The following RLF variants were observed in gnomAD, a reference collection of about 807,000 sequenced individuals.
The protein encoded by RLF is RLF zinc finger.
Under a neutral mutation model 162.9 loss-of-function variants are expected in RLF, and 7 were observed. That is an observed-to-expected ratio of 0.04 (90% CI 0.02 to 0.08). The LOEUF is 0.08. Among genes scored for constraint, RLF ranks in the 10% least tolerant of loss-of-function variants. The probability of loss-of-function intolerance (pLI) is 1.00; values close to 1 mark genes in which losing one functional copy is unlikely to be tolerated. For missense variants in RLF, 1,664 were observed against 2,244.7 expected, an observed-to-expected ratio of 0.74 and a Z score of 5.23; for synonymous variants, 782 against 791.5, an observed-to-expected ratio of 0.99 and a Z score of 0.20.
chr1:40,240,659 GTTTA>G lies in RLF; in HGVS notation c.*215_*218del. ...TGATTGGGTTTATTTTTGTTTGTTTGTTTATTAAAAAAATGGAACTGTACACTTG... is the reference window on the plus strand; with the variant it reads ...TGATTGGGTTTATTTTTGTTTGTTTGTTAAAAAAATGGAACTGTACACTTG... On this transcript the variant is annotated 3_prime_UTR_variant, in exon 8 of 8. Coordinates refer to ENST00000372771, the MANE Select transcript of RLF (RefSeq NM_012421.4). The G allele has an allele frequency of 2.0e-6, 1 of 500,308 alleles. No individual in the cohort carries two copies. The highest frequency in any genetic ancestry group is 3.6e-6 in the Non-Finnish European group (1 of 281,042). 31.0% of individuals were successfully genotyped at this position (500,308 alleles called of 1,614,324 possible). A position where few individuals can be genotyped will look rare whatever the true frequency, so the allele number is the denominator to read the frequency against.
intron 3 of RLF, among the ~76,000 whole-genome samples, chr1:40,192,439 T>G (rs759484327): frequency 3.9e-5 from 6 of 152,222 alleles, no homozygotes; most frequent in Non-Finnish European, 8.8e-5. Flanking sequence ...GCATTTCTTT[T>G]GAGTATCGTG....
chr1:40,190,929 G>C, intron 3 of RLF, 76 bp downstream of exon 3: 1 of 800,546 alleles, frequency 1.2e-6, no homozygotes, highest in Non-Finnish European at 2.0e-6. Flanking sequence ...ACTAAAATTG[G>C]AACCTTAGAA....
intron 1 of RLF, among the ~76,000 whole-genome samples, chr1:40,162,399 A>G (rs12059558): frequency 0.17 from 25,400 of 152,038 alleles, 2,222 homozygotes; most frequent in African/African-American, 0.21. Context: ...TTTAGTCTCC[A>G]TGACCACTCC....
rs886534976 is a variant in RLF, at chr1:40,169,622, CAAAAAA to C, written c.237+8004_237+8009del. On this transcript the variant is annotated intron_variant, in intron 1 of 7. Transcript: ENST00000372771. ...TGGGCGACAGAGCGAGACTCCGTCTCAAAAAAAAAAAAAAAAAAAAAAATAAGTGCT... is the reference window on the plus strand; with the variant it reads ...TGGGCGACAGAGCGAGACTCCGTCTCAAAAAAAAAAAAAAAAATAAGTGCT... 8.5e-4 allele frequency among the ~76,000 whole-genome samples: 40 copies of C among 46,982 alleles called. No homozygotes were observed. In the South Asian group the frequency reaches 0.028, roughly 33 times the overall value. The allele number at this position is 46,982 out of a possible 152,430, so 30.8% of individuals were successfully genotyped here. A position where few individuals can be genotyped will look rare whatever the true frequency, so the allele number is the denominator to read the frequency against.
At chr1:40,202,691 T>C in intron 5 of RLF, 77 bp downstream of exon 5, 1 of 904,358 alleles carries the variant, frequency 1.1e-6, no homozygotes, top group East Asian at 3.2e-5. Context: ...GTTTATTTTT[T>C]CCCTTTAGAA....
chr1:40,173,146 G>A (rs1207252901), intron 1 of RLF, among the ~76,000 whole-genome samples: 3 of 146,306 alleles, frequency 2.1e-5, no homozygotes, highest in African/African-American at 7.8e-5. Context: ...GTGCGATCTC[G>A]GCTCCCCGCA....
chr1:40,239,269 G>C lies in RLF; in HGVS notation c.4567G>C (p.Glu1523Gln), dbSNP rs1255340383. 5.0e-6 allele frequency: 8 copies of C among 1,613,970 alleles called. No homozygotes were observed. The highest frequency in any genetic ancestry group is 1.1e-5 in the South Asian group (1 of 91,092). ...GTCTAAAAAATGTGGCTTAATCAAA[G>C]AAAAGAAAGCCCCAATAAGTTTTAA... ...AKSKKCGLIK[E>Q]KKAPISFKTR... The change falls in exon 8 of 8, where the codon GAA (glutamate) becomes CAA (glutamine). Residue 1523 changes from glutamate to glutamine, a missense_variant. Transcript: ENST00000372771.
chr1:40,191,405 G>A (rs1351896892), intron 3 of RLF, among the ~76,000 whole-genome samples: 1 of 152,086 alleles, frequency 6.6e-6, no homozygotes, highest in Non-Finnish European at 1.5e-5. Context: ...GGGCATGGTG[G>A]CGGACACCTG....
chr1:40,203,947 C>T (rs143863238), intron 5 of RLF, among the ~76,000 whole-genome samples: 2 of 152,110 alleles, frequency 1.3e-5, no homozygotes, highest in African/African-American at 2.4e-5. Flanking sequence ...TTCCCTTATC[C>T]CCCTTATGTA....
intron 5 of RLF, among the ~76,000 whole-genome samples, chr1:40,217,704 G>A (rs762574334): frequency 3.9e-5 from 6 of 151,908 alleles, no homozygotes; most frequent in African/African-American, 1.2e-4. Flanking sequence ...CCCGGGAGGC[G>A]GAGGTTGCAG....
At chr1:40,200,777 T>G (rs1642701002) in intron 4 of RLF, among the ~76,000 whole-genome samples, 1 of 150,954 alleles carries the variant, frequency 6.6e-6, no homozygotes, top group South Asian at 2.1e-4. Context: ...TTTTTCTTTA[T>G]ATTATTTTAA....
chr1:40,175,635 T>C (rs61780420), intron 1 of RLF, among the ~76,000 whole-genome samples: 7,912 of 150,210 alleles, frequency 0.053, 603 homozygotes, highest in African/African-American at 0.17. Context: ...GGCGACAGAG[T>C]GAGACTCCGA....
At chr1:40,168,851 G>A (rs1369871740) in intron 1 of RLF, among the ~76,000 whole-genome samples, 1 of 151,862 alleles carries the variant, frequency 6.6e-6, no homozygotes, top group African/African-American at 2.4e-5. Flanking sequence ...AAATTAGCCA[G>A]GTGTTATGGC....
At chr1:40,188,618 G>GA (rs11406786) in intron 1 of RLF, among the ~76,000 whole-genome samples, 70,282 of 145,778 alleles carry the variant, frequency 0.48, 19,317 homozygotes, top group Non-Finnish European at 0.61. Flanking sequence ...CATGTGTCCA[G>GA]AAAAAAAAAA....
intron 4 of RLF, among the ~76,000 whole-genome samples, chr1:40,200,825 A>T (rs1642701582): frequency 7.1e-6 from 1 of 140,028 alleles, no homozygotes; most frequent in Non-Finnish European, 1.5e-5. Flanking sequence ...TGTAGTTAAA[A>T]TTGGGCCAGT....
intron 1 of RLF, among the ~76,000 whole-genome samples, chr1:40,181,076 A>G (rs1013991269): frequency 2.6e-5 from 4 of 152,210 alleles, no homozygotes; most frequent in African/African-American, 7.2e-5. Flanking sequence ...GGTGTAAGGT[A>G]AGGTCCAGCT....
In RLF at chr1:40,236,652, G is replaced by A. The variant is rs1643221984; in HGVS notation, c.1950G>A (p.Glu650=). 6.2e-7 allele frequency: 1 copy of A among 1,613,970 alleles called. No homozygotes were observed. The highest frequency in any genetic ancestry group is 8.5e-7 in the Non-Finnish European group (1 of 1,180,024). ...CATTGAATGACCAAGCCAAAGGAGA[G>A]TCTCATGAATATGTCACATTCAGCA... ...NHSLNDQAKG[E]SHEYVTFSKL... The change falls in exon 8 of 8, where the codon GAG becomes GAA. Residue 650 remains glutamate (E), a synonymous_variant. Coordinates refer to ENST00000372771, the MANE Select transcript of RLF (RefSeq NM_012421.4). The surrounding 1 kb of genome is among the most constrained non-coding windows in gnomAD (Gnocchi z 7.7).
intron 7 of RLF, among the ~76,000 whole-genome samples, chr1:40,234,034 C>T (rs773876142): frequency 6.6e-6 from 1 of 152,172 alleles, no homozygotes; most frequent in Non-Finnish European, 1.5e-5. Flanking sequence ...CTGCAACCTC[C>T]GCTTCCCAGG....
intron 6 of RLF, 96 bp downstream of exon 6, chr1:40,222,806 A>G: frequency 9.5e-7 from 1 of 1,053,346 alleles, no homozygotes; most frequent in Non-Finnish European, 1.4e-6. Context: ...TTTAAAACCT[A>G]GCATGACCTG....
Sources: gnomAD v4.1 joint callset for allele counts (sites outside exome capture counted in the v4.1 genomes callset) on GRCh38, gnomAD v4.1.1 for gene constraint, Gnocchi (gnomAD v3.1) non-coding constraint, MANE v1.5 for transcripts, NCBI Gene and HGNC (gene_info 2026-07-23, HGNC 2026-07-21) for gene names.